The following DNAH9 variants were observed in gnomAD, a reference collection of about 807,000 sequenced individuals.
The protein encoded by DNAH9 is dynein axonemal heavy chain 9.
DNAH9 carries 345 observed loss-of-function variants against 471.6 expected under a neutral mutation model. The ratio of observed to expected loss-of-function variants is 0.73; its 90% confidence interval spans 0.67 to 0.80. The LOEUF (loss-of-function observed/expected upper bound fraction) is 0.80. Among genes scored for constraint, DNAH9 ranks in the 30% least tolerant of loss-of-function variants. The pLI, the probability that DNAH9 is intolerant of heterozygous loss-of-function variation, is 0.00. For missense variants in DNAH9, 5,407 were observed against 5,609.2 expected (o/e 0.96, Z 1.15); for synonymous variants, 2,093 against 2,123.6 (o/e 0.99, Z 0.40).
intron 35 of DNAH9, among the ~76,000 whole-genome samples, chr17:11,760,300 C>T (rs1417772238): frequency 1.3e-5 from 2 of 152,148 alleles, no homozygotes; most frequent in Non-Finnish European, 1.5e-5. Context: ...CCCATATATC[C>T]TTTAACTAAA....
intron 49 of DNAH9, among the ~76,000 whole-genome samples, chr17:11,843,080 T>C (rs77201503): frequency 0.068 from 10,282 of 152,218 alleles, 829 homozygotes; most frequent in East Asian, 0.42. Flanking sequence ...AGCAAAACAT[T>C]CCATCTAATG....
At chr17:11,861,622 C>T (rs1971852025) in intron 50 of DNAH9, among the ~76,000 whole-genome samples, 1 of 150,354 alleles carries the variant, frequency 6.7e-6, no homozygotes, top group Non-Finnish European at 1.5e-5. Flanking sequence ...AATGGTTGAA[C>T]TAGTTTACAG....
chr17:11,617,184 A>G (rs549094475), intron 4 of DNAH9, among the ~76,000 whole-genome samples: 1 of 152,180 alleles, frequency 6.6e-6, no homozygotes, highest in Non-Finnish European at 1.5e-5. Flanking sequence ...GGGCCAGGGA[A>G]AAGTCCATTT....
intron 14 of DNAH9, among the ~76,000 whole-genome samples, chr17:11,662,848 C>T (rs954704797): frequency 2.0e-5 from 3 of 148,182 alleles, no homozygotes; most frequent in African/African-American, 7.4e-5. Flanking sequence ...CTCCGCCTCC[C>T]GGGTTCACGC....
intron 50 of DNAH9, among the ~76,000 whole-genome samples, chr17:11,863,065 G>C (rs1032827531): frequency 6.6e-6 from 1 of 152,226 alleles, no homozygotes; most frequent in Non-Finnish European, 1.5e-5. Flanking sequence ...ATGTTGAATA[G>C]GAGTGGTGAG....
At chr17:11,719,764 T>C (rs770363135) in intron 27 of DNAH9, among the ~76,000 whole-genome samples, 1 of 152,186 alleles carries the variant, frequency 6.6e-6, no homozygotes, top group Non-Finnish European at 1.5e-5. Context: ...GCTGACTTCA[T>C]CTTTTTGGAT....
Position 11,757,613 on chromosome 17 carries a change from G to A in DNAH9, c.6916G>A (p.Glu2306Lys). 6.2e-7 allele frequency: 1 copy of A among 1,613,934 alleles called. No individual in the cohort carries two copies. Among genetic ancestry groups the A allele is most frequent in the Non-Finnish European group, 8.5e-7 (1 of 1,179,806 alleles). Reference sequence around the variant, plus strand: ...AGTGAGCAGCTGGATTGAGAAGAGGGAAATCCAGACAGAGAGAGCCAACTT... The same window carrying A: ...AGTGAGCAGCTGGATTGAGAAGAGGAAAATCCAGACAGAGAGAGCCAACTT... ...PPVSSWIEKR[E>K]IQTERANLTI... The change falls in exon 35 of 69, where the codon GAA (glutamate) becomes AAA (lysine). Residue 2306 changes from glutamate (E) to lysine (K), a missense_variant. Around this residue, in one of 3 missense-constraint regions of DNAH9, gnomAD observed 4,636 missense variants for 4,900.3 expected, o/e 0.95. Transcript: ENST00000262442.
chr17:11,752,706 C>T, intron 32 of DNAH9, 127 bp from the exon 33 acceptor site: 1 of 587,002 alleles, frequency 1.7e-6, no homozygotes, highest in Non-Finnish European at 2.7e-6. Flanking sequence ...AAAACCAGGT[C>T]TGATCTGCCT....
At chr17:11,810,162 G>T (rs984395578) in intron 44 of DNAH9, 84 bp from the exon 45 acceptor site, 2 of 1,465,124 alleles carry the variant, frequency 1.4e-6, no homozygotes, top group African/African-American at 1.4e-5. Flanking sequence ...AGAAGAAAAC[G>T]GTTCCATTTC....
Position 11,822,036 on chromosome 17 carries a change from A to T in DNAH9, c.8824A>T (p.Ile2942Leu). 1 of 1,613,832 alleles carries T rather than the reference A, an allele frequency of 6.2e-7. No individual in the cohort carries two copies. Among genetic ancestry groups the T allele is most frequent in the South Asian group, 1.1e-5 (1 of 90,984 alleles). ...CAGAGAGAACTGTTGGAAGTTCTTT[A>T]TAGATCGGATCCGGCGACAGCTGAA... ...DNRENCWKFF[I>L]DRIRRQLKVT... is the part of the protein sequence containing the mutation. The change falls in exon 46 of 69, where the codon ATA (isoleucine) becomes TTA (leucine). Residue 2942 changes from isoleucine to leucine, a missense_variant. Coordinates refer to ENST00000262442, the MANE Select transcript of DNAH9 (RefSeq NM_001372.4).
At chr17:11,704,841 C>T (rs2074671692) in intron 25 of DNAH9, among the ~76,000 whole-genome samples, 184 bp from the exon 26 acceptor site, 1 of 152,162 alleles carries the variant, frequency 6.6e-6, no homozygotes, top group African/African-American at 2.4e-5. Context: ...CCTTGGCCTC[C>T]CAAAGTGCTG....
chr17:11,721,765 A>G (rs1277787078), intron 27 of DNAH9, among the ~76,000 whole-genome samples: 1 of 152,186 alleles, frequency 6.6e-6, no homozygotes, highest in African/African-American at 2.4e-5. Flanking sequence ...ATATGATATC[A>G]TCAGGGGAGC....
At chr17:11,840,955 G>C (rs2150958837) in intron 49 of DNAH9, among the ~76,000 whole-genome samples, 1 of 152,266 alleles carries the variant, frequency 6.6e-6, no homozygotes, top group Non-Finnish European at 1.5e-5. Flanking sequence ...TTTGAGTCAG[G>C]AAGTTTGTTT....
rs189409359 is a variant in DNAH9, at chr17:11,679,342, C to T, written c.3354-415C>T. 7.9e-5 allele frequency among the ~76,000 whole-genome samples: 12 copies of T among 152,332 alleles called. No individual in the cohort carries two copies. The East Asian group carries it at 1.7e-3, about 22-fold the overall frequency. ...GCTTCTTTTCACAAAGCAATGCTAT[C>T]GCAAGCCATAATTCTCATGTTATCC... On this transcript the variant is annotated intron_variant, in intron 17 of 68. Coordinates refer to ENST00000262442, the MANE Select transcript of DNAH9 (RefSeq NM_001372.4).
At chr17:11,763,186 G>C (rs928739393) in intron 35 of DNAH9, among the ~76,000 whole-genome samples, 7 of 152,140 alleles carry the variant, frequency 4.6e-5, no homozygotes, top group African/African-American at 1.7e-4. Context: ...AGAAGTGGGA[G>C]GGGGAGGGTG....
chr17:11,704,963 T>C (rs1405192288), intron 25 of DNAH9, 62 bp from the exon 26 acceptor site: 4 of 1,429,822 alleles, frequency 2.8e-6, no homozygotes, highest in Non-Finnish European at 3.9e-6. Flanking sequence ...CTATGTGTCT[T>C]GTGGCCAAGG....
At chr17:11,846,754 C>A (rs1460407617) in intron 49 of DNAH9, among the ~76,000 whole-genome samples, 24 of 139,270 alleles carry the variant, frequency 1.7e-4, no homozygotes, top group African/African-American at 6.2e-4. Context: ...GTATTTTATT[C>A]TCTTTGAAGC....
In DNAH9 at chr17:11,698,182, T is replaced by TATTAATAA. The variant is rs369729599; in HGVS notation, c.4873-1549_4873-1548insATTAATAA. Among the ~76,000 whole-genome samples, 54 of 120,324 alleles carry TATTAATAA rather than the reference T, an allele frequency of 4.5e-4. 1 individual carries two copies. Among genetic ancestry groups the TATTAATAA allele is most frequent in the East Asian group, 2.1e-3 (10 of 4,820 alleles). The allele number at this position is 120,324 out of a possible 152,430, so 78.9% of individuals were successfully genotyped here. A position where few individuals can be genotyped will look rare whatever the true frequency, so the allele number is the denominator to read the frequency against. ...AATATATTATTATATTAATATATTA[T>TATTAATAA]TATATTAATATAATAATATATTAAT... On this transcript the variant is annotated intron_variant, in intron 22 of 68. Coordinates refer to ENST00000262442, the MANE Select transcript of DNAH9 (RefSeq NM_001372.4).
At chr17:11,802,348 GT>G (rs1435525681) in intron 43 of DNAH9, among the ~76,000 whole-genome samples, 2 of 152,006 alleles carry the variant, frequency 1.3e-5, no homozygotes, top group African/African-American at 4.8e-5. Context: ...TGGGAGTAGG[GT>G]GGGCATGGTG....
Sources: gnomAD v4.1 joint callset for allele counts (sites outside exome capture counted in the v4.1 genomes callset) on GRCh38, gnomAD v4.1.1 for gene constraint, gnomAD v4.1.1 regional missense constraint, MANE v1.5 for transcripts, NCBI Gene and HGNC (gene_info 2026-07-23, HGNC 2026-07-21) for gene names.